Variants in ARHGAP26 observed in about 807,000 individuals in gnomAD.
The protein encoded by ARHGAP26 is rho GTPase-activating protein 26.
Under a neutral mutation model 104.8 loss-of-function variants are expected in ARHGAP26, and 38 were observed. The observed-to-expected ratio is 0.36, with a 90% confidence interval of 0.28 to 0.48. The LOEUF is 0.48. Among genes scored for constraint, ARHGAP26 ranks in the 20% least tolerant of loss-of-function variants. The probability of loss-of-function intolerance (pLI) is 0.99; values close to 1 mark genes in which losing one functional copy is unlikely to be tolerated. For synonymous variants in ARHGAP26, 341 were observed against 340.0 expected (o/e 1.00, Z -0.03); for missense variants, 704 against 947.9 (o/e 0.74, Z 3.38).
At chr5:143,055,877 G>A (rs1460568691) in intron 15 of ARHGAP26, 151 bp from the exon 16 acceptor site, 2 of 538,672 alleles carry the variant, frequency 3.7e-6, no homozygotes, top group Non-Finnish European at 6.5e-6. Flanking sequence ...ATCTCAGAAC[G>A]CTTGCAATAG....
At chr5:142,805,617 T>C (rs1762848157) in intron 1 of ARHGAP26, among the ~76,000 whole-genome samples, 1 of 151,938 alleles carries the variant, frequency 6.6e-6, no homozygotes, top group Non-Finnish European at 1.5e-5. Context: ...GAAAAATGAG[T>C]TTATATGAAG....
At chr5:142,813,622 T>C (rs533317041) in intron 1 of ARHGAP26, among the ~76,000 whole-genome samples, 1 of 152,366 alleles carries the variant, frequency 6.6e-6, no homozygotes, top group East Asian at 1.9e-4. Flanking sequence ...CCCAGGTCTC[T>C]CTTTTTGGCT....
chr5:142,820,316 T>C (rs1030903182), intron 1 of ARHGAP26, among the ~76,000 whole-genome samples: 3 of 152,190 alleles, frequency 2.0e-5, no homozygotes, highest in Non-Finnish European at 4.4e-5. Context: ...TTGAGATCTT[T>C]GGACGAAAGG....
intron 1 of ARHGAP26, among the ~76,000 whole-genome samples, chr5:142,797,435 A>G (rs1761211237): frequency 6.6e-6 from 1 of 152,244 alleles, no homozygotes; most frequent in Admixed American, 6.5e-5. Context: ...TGTCCCTCAA[A>G]GGTGACTGAC....
chr5:142,883,284 T>G (rs1757262134), intron 4 of ARHGAP26, among the ~76,000 whole-genome samples: 1 of 152,156 alleles, frequency 6.6e-6, no homozygotes, highest in East Asian at 1.9e-4. Flanking sequence ...CTGATAAGGC[T>G]GGTGGGAGCG....
chr5:143,011,858 T>C (rs1449288869), intron 11 of ARHGAP26, among the ~76,000 whole-genome samples: 5 of 152,220 alleles, frequency 3.3e-5, no homozygotes, highest in Admixed American at 2.6e-4. Flanking sequence ...TCAAATTCCA[T>C]GAATGTTAAG....
intron 11 of ARHGAP26, among the ~76,000 whole-genome samples, chr5:142,935,815 T>C (rs1765329733): frequency 6.6e-6 from 1 of 152,122 alleles, no homozygotes; most frequent in Non-Finnish European, 1.5e-5. Flanking sequence ...CAGATGTATG[T>C]TCCTTTAAAT....
chr5:142,911,628 G>T (rs1761851903), intron 9 of ARHGAP26, among the ~76,000 whole-genome samples: 1 of 152,118 alleles, frequency 6.6e-6, no homozygotes, highest in Middle Eastern at 3.2e-3. Flanking sequence ...TGCTGATATG[G>T]TATGGTCATC....
At chr5:142,950,171 GGTGTGTGTGTCTGTGTGT>G (rs1352434398) in intron 11 of ARHGAP26, among the ~76,000 whole-genome samples, 1 of 151,988 alleles carries the variant, frequency 6.6e-6, no homozygotes, top group Admixed American at 6.6e-5. Context: ...GTATGGGTAG[GGTGTGTGTGTCTGTGTGT>G]GTAGTGGAGG....
chr5:142,949,187 GA>G (rs1767725484), intron 11 of ARHGAP26, among the ~76,000 whole-genome samples: 1 of 30,610 alleles, frequency 3.3e-5, no homozygotes, highest in Non-Finnish European at 5.6e-5. Context: ...GAGAGAGAGA[GA>G]GAGAGAGAGA....
intron 1 of ARHGAP26, chr5:142,772,765 A>G (rs1297136736): frequency 5.6e-6 from 3 of 533,324 alleles, no homozygotes. Flanking sequence ...CTTCTGCCCC[A>G]TCTCACTTGC....
At chr5:142,861,520 A>C (rs1465305782) in intron 1 of ARHGAP26, among the ~76,000 whole-genome samples, 1 of 152,120 alleles carries the variant, frequency 6.6e-6, no homozygotes, top group African/African-American at 2.4e-5. Flanking sequence ...AGGTGGATTC[A>C]GTTTTGATCC....
Position 143,121,040 on chromosome 5 carries a change from G to A in ARHGAP26, c.1591G>A (p.Val531Met). 8 of 1,613,706 alleles carry A rather than the reference G, an allele frequency of 5.0e-6. No homozygotes were observed. Among genetic ancestry groups the A allele is most frequent in the Non-Finnish European group, 6.8e-6 (8 of 1,179,748 alleles). Residue 531 changes from valine to methionine, a missense_variant, in exon 18 of 23, where the codon GTG (valine) becomes ATG (methionine). Val to Met is a conservative substitution (Grantham distance 21). Transcript: ENST00000645722. ...NLMTVANLGV[V>M]FGPTLLRPQE... ...GATGACGGTGGCAAACCTTGGTGTG[G>A]TGTTTGGACCCACTCTGCTGAGGCC...
At chr5:143,006,309 GTTTTTTCTTT>G (rs1777942140) in intron 11 of ARHGAP26, among the ~76,000 whole-genome samples, 3 of 94,868 alleles carry the variant, frequency 3.2e-5, no homozygotes, top group African/African-American at 1.8e-4. Flanking sequence ...CACCTTTAGT[GTTTTTTCTTT>G]TTTTTTTTTT....
chr5:143,064,413 T>C (rs916946100), intron 17 of ARHGAP26, among the ~76,000 whole-genome samples: 5 of 151,882 alleles, frequency 3.3e-5, no homozygotes, highest in African/African-American at 7.3e-5. Flanking sequence ...TTTTTTTTTT[T>C]TCTCCTGGAA....
intron 11 of ARHGAP26, among the ~76,000 whole-genome samples, chr5:142,998,039 G>A (rs1335894123): frequency 3.9e-5 from 6 of 152,284 alleles, no homozygotes; most frequent in Admixed American, 3.9e-4. Context: ...GGAACCAGAA[G>A]CTTGCAGGAA....
intron 1 of ARHGAP26, among the ~76,000 whole-genome samples, chr5:142,840,857 C>T (rs1262082828): frequency 6.6e-6 from 1 of 152,140 alleles, no homozygotes; most frequent in Non-Finnish European, 1.5e-5. Context: ...TTGCCTTCCT[C>T]CTCCAAAGAA....
rs183244768 is a variant in ARHGAP26 at position 143,179,026 on chromosome 5, C to T, written c.1989-28172C>T. 4.6e-3 allele frequency among the ~76,000 whole-genome samples: 705 copies of T among 152,228 alleles called. 7 individuals carry two copies. The highest frequency in any genetic ancestry group is 3.6e-3 in the Non-Finnish European group (242 of 68,010). ...CTGGGATTACAGGCACCTGCCACCA[C>T]ACCTGGCTAATTTTTATATTTTTAG... On this transcript the variant is annotated intron_variant, in intron 20 of 22. Transcript: ENST00000645722.
chr5:142,974,068 A>G (rs1442090689), intron 11 of ARHGAP26, among the ~76,000 whole-genome samples: 2 of 152,066 alleles, frequency 1.3e-5, no homozygotes, highest in Non-Finnish European at 2.9e-5. Flanking sequence ...TGTCTATTTG[A>G]TCAGTTCCTT....
Sources: gnomAD v4.1 joint callset for allele counts (sites outside exome capture counted in the v4.1 genomes callset) on GRCh38, gnomAD v4.1.1 for gene constraint, MANE v1.5 for transcripts, NCBI Gene and HGNC (gene_info 2026-07-23, HGNC 2026-07-21) for gene names.